Variants in NEDD4L observed in about 807,000 individuals in gnomAD.
The protein encoded by NEDD4L is E3 ubiquitin-protein ligase NEDD4-like.
NEDD4L carries 54 observed loss-of-function variants against 148.9 expected under a neutral mutation model. The observed-to-expected ratio is 0.36, with a 90% CI of 0.29 to 0.45. The LOEUF (loss-of-function observed/expected upper bound fraction) is 0.45. Among genes scored for constraint, NEDD4L ranks in the 20% least tolerant of loss-of-function variants. The pLI is 1.00. For missense variants in NEDD4L, 856 were observed against 1,233.8 expected, an observed-to-expected ratio of 0.69 and a Z score of 4.59; for synonymous variants, 433 against 440.7, an observed-to-expected ratio of 0.98 and a Z score of 0.22.
At chr18:58,128,017 T>G (rs57496315) in intron 1 of NEDD4L, among the ~76,000 whole-genome samples, 50,356 of 151,236 alleles carry the variant, frequency 0.33, 8,594 homozygotes, top group Non-Finnish European at 0.36. Flanking sequence ...AATTTTTTTG[T>G]TTTGTTTTGT....
chr18:58,304,101 A>G lies in NEDD4L; in HGVS notation c.298-11881A>G, dbSNP rs550544684. Among the ~76,000 whole-genome samples, 3 of 152,108 alleles carry G rather than the reference A, an allele frequency of 2.0e-5. 1 individual carries two copies. The highest frequency in any genetic ancestry group is 3.9e-4 in the East Asian group (2 of 5,186). ...AAACTGAGGGGTGAGAGTTGCTGCT[A>G]TATCTAGTGAGCAGAAGCCAGAGAT... On this transcript the variant is annotated intron_variant, in intron 5 of 30. Transcript: ENST00000400345.
rs1258372225 is a variant in NEDD4L at position 58,256,110 on chromosome 18, G to C, written c.297+4056G>C. The stretch of plus-strand genomic sequence containing the variant: ...GACACCCCCGGGAGCTCCCCTCCGA[G>C]GGCAGCCCGGGACCCAGGGCTCCAG... On this transcript the variant is annotated intron_variant, in intron 5 of 30. Coordinates refer to ENST00000400345, the MANE Select transcript of NEDD4L (RefSeq NM_001144967.3). The surrounding 1 kb of genome is among the most constrained non-coding windows in gnomAD (Gnocchi z 5.2). 1 of 1,226,560 alleles carries C rather than the reference G, an allele frequency of 8.2e-7. No homozygotes were observed. Among genetic ancestry groups the C allele is most frequent in the African/African-American group, 1.6e-5 (1 of 64,138 alleles). 76.0% of individuals were successfully genotyped at this position (1,226,560 alleles called of 1,614,324 possible). A position where few individuals can be genotyped will look rare whatever the true frequency, so the allele number is the denominator to read the frequency against.
At chr18:58,276,363 C>A (rs2052007377) in intron 5 of NEDD4L, among the ~76,000 whole-genome samples, 1 of 152,002 alleles carries the variant, frequency 6.6e-6, no homozygotes, top group African/African-American at 2.4e-5. Context: ...CACATGCCAC[C>A]ACACCTAGCT....
chr18:58,270,251 C>T (rs945170195), intron 5 of NEDD4L, among the ~76,000 whole-genome samples: 2 of 152,144 alleles, frequency 1.3e-5, no homozygotes, highest in African/African-American at 2.4e-5. Context: ...GTTTCTCTCA[C>T]GGTATTTAAA....
chr18:58,278,419 CTGGT>C (rs1402022628), intron 5 of NEDD4L, among the ~76,000 whole-genome samples: 1 of 152,210 alleles, frequency 6.6e-6, no homozygotes, highest in East Asian at 1.9e-4. Context: ...AGTTTCCTAC[CTGGT>C]TAGACACTTA....
At chr18:58,121,327 T>G (rs1312901850) in intron 1 of NEDD4L, among the ~76,000 whole-genome samples, 1 of 152,220 alleles carries the variant, frequency 6.6e-6, no homozygotes, top group Non-Finnish European at 1.5e-5. Flanking sequence ...ACCTACAGAA[T>G]TCAGTGAGAT....
chr18:58,050,638 G>GT (rs1179689657), intron 1 of NEDD4L, among the ~76,000 whole-genome samples: 1 of 151,838 alleles, frequency 6.6e-6, no homozygotes, highest in Non-Finnish European at 1.5e-5. Flanking sequence ...GCAGGCAACT[G>GT]TAATCCCAGT....
intron 2 of NEDD4L, among the ~76,000 whole-genome samples, chr18:58,210,376 G>C (rs1242037427): frequency 2.6e-5 from 4 of 152,222 alleles, no homozygotes; most frequent in African/African-American, 9.6e-5. Context: ...CTATAGAAGA[G>C]ATAGGAAAGA....
intron 5 of NEDD4L, among the ~76,000 whole-genome samples, chr18:58,309,336 C>T (rs2057411081): frequency 1.3e-5 from 2 of 152,202 alleles, no homozygotes; most frequent in Admixed American, 6.5e-5. Context: ...AAGTTACGTC[C>T]TGCACAGTCA....
intron 2 of NEDD4L, among the ~76,000 whole-genome samples, chr18:58,176,661 C>T (rs949532959): frequency 3.3e-5 from 5 of 152,132 alleles, no homozygotes; most frequent in Non-Finnish European, 7.4e-5. Context: ...TGTACCATTC[C>T]CTGATGTTGT....
intron 17 of NEDD4L, among the ~76,000 whole-genome samples, chr18:58,350,483 G>A (rs1396526248): frequency 6.6e-6 from 1 of 152,106 alleles, no homozygotes; most frequent in Admixed American, 6.5e-5. Flanking sequence ...CAGATAATGA[G>A]GGCATACCAG....
chr18:58,119,402 G>C (rs536512490), intron 1 of NEDD4L, among the ~76,000 whole-genome samples: 1 of 152,226 alleles, frequency 6.6e-6, no homozygotes, highest in South Asian at 2.1e-4. Context: ...CCTGGTTTCT[G>C]GGCCTCCCTG....
At chr18:58,180,395 C>G (rs2038717878) in intron 2 of NEDD4L, among the ~76,000 whole-genome samples, 1 of 152,226 alleles carries the variant, frequency 6.6e-6, no homozygotes, top group South Asian at 2.1e-4. Flanking sequence ...AAGATTCTCC[C>G]TGATAGGCCT....
chr18:58,102,984 T>A (rs1261573594), intron 1 of NEDD4L, among the ~76,000 whole-genome samples: 1 of 152,056 alleles, frequency 6.6e-6, no homozygotes, highest in Non-Finnish European at 1.5e-5. Flanking sequence ...AACCAGCTTG[T>A]GATTTGGTTT....
intron 1 of NEDD4L, among the ~76,000 whole-genome samples, chr18:58,123,352 C>T (rs372040286): frequency 1.3e-5 from 2 of 152,158 alleles, no homozygotes; most frequent in African/African-American, 4.8e-5. Context: ...TGCGATCTTC[C>T]GTTCCCAGCC....
In NEDD4L at chr18:58,389,179, A is replaced by G; in HGVS notation, c.2642A>G (p.Gln881Arg). 6.2e-7 allele frequency: 1 copy of G among 1,613,102 alleles called. No individual in the cohort carries two copies. Among genetic ancestry groups the G allele is most frequent in the Non-Finnish European group, 8.5e-7 (1 of 1,179,194 alleles). The part of the protein sequence containing the change: ...NGYCPNHPVI[Q>R]WFWKAVLLMD... ...TACTGCCCAAACCACCCCGTCATTC[A>G]GTGGTTCTGGAAGGTAACTCCGGGG... The change falls in exon 28 of 31, where the codon CAG (glutamine) becomes CGG (arginine). Residue 881 changes from glutamine (Q) to arginine (R), a missense_variant. By Grantham distance (43) the Gln-to-Arg change is conservative (BLOSUM62 1). Coordinates refer to ENST00000400345, the MANE Select transcript of NEDD4L (RefSeq NM_001144967.3).
intron 1 of NEDD4L, among the ~76,000 whole-genome samples, chr18:58,121,838 A>G (rs1016646003): frequency 1.3e-5 from 2 of 152,250 alleles, no homozygotes; most frequent in Admixed American, 1.3e-4. Context: ...GAGGTCTGCC[A>G]TTTCTCTGCC....
intron 1 of NEDD4L, among the ~76,000 whole-genome samples, chr18:58,071,031 G>A (rs1323341056): frequency 6.6e-6 from 1 of 151,640 alleles, no homozygotes; most frequent in Non-Finnish European, 1.5e-5. Context: ...CCATATACAG[G>A]TTAAAAAAAC....
chr18:58,285,142 T>C (rs1439019441), intron 5 of NEDD4L, among the ~76,000 whole-genome samples: 2 of 152,194 alleles, frequency 1.3e-5, no homozygotes, highest in Non-Finnish European at 2.9e-5. Flanking sequence ...ATGCTTTTTT[T>C]CCCAAATGAA....
Sources: gnomAD v4.1 joint callset for allele counts (sites outside exome capture counted in the v4.1 genomes callset) on GRCh38, gnomAD v4.1.1 for gene constraint, Gnocchi (gnomAD v3.1) non-coding constraint, MANE v1.5 for transcripts, NCBI Gene and HGNC (gene_info 2026-07-23, HGNC 2026-07-21) for gene names.